ABCB10: variants seen among roughly 807,000 people sequenced by gnomAD.
ABCB10 encodes the protein ATP binding cassette subfamily B member 10.
ABCB10 carries 54 observed loss-of-function variants against 65.4 expected under a neutral mutation model. That is an observed-to-expected ratio of 0.83 (90% confidence interval 0.66 to 1.04). The LOEUF is 1.04. Ranked by LOEUF, ABCB10 falls within the 50% of genes least tolerant of loss-of-function variation. ABCB10 has a pLI of 0.00. For missense variants in ABCB10, 846 were observed against 976.6 expected, an observed-to-expected ratio of 0.87 and a Z score of 1.78; for synonymous variants, 418 against 406.5, an observed-to-expected ratio of 1.03 and a Z score of -0.34.
At chr1:229,539,386 C>T (rs1662789506) in intron 6 of ABCB10, 70 bp downstream of exon 6, 1 of 1,561,028 alleles carries the variant, frequency 6.4e-7, no homozygotes, top group Non-Finnish European at 8.8e-7. Context: ...TGTGAAAGTT[C>T]AGTTTCTCTT....
intron 6 of ABCB10, among the ~76,000 whole-genome samples, chr1:229,537,794 TAAATAAAC>T (rs1014535989): frequency 3.3e-5 from 5 of 149,950 alleles, no homozygotes; most frequent in African/African-American, 1.0e-4. Context: ...CATCTCCAAA[TAAATAAAC>T]AAACAAACAA....
chr1:229,524,156 GTTT>G (rs927200149), intron 10 of ABCB10, among the ~76,000 whole-genome samples: 19 of 151,564 alleles, frequency 1.3e-4, no homozygotes, highest in Middle Eastern at 6.8e-3. Context: ...ACAGAGACAA[GTTT>G]TTTGTTTTTT....
intron 1 of ABCB10, among the ~76,000 whole-genome samples, chr1:229,555,051 C>A (rs1663213008): frequency 6.6e-6 from 1 of 152,196 alleles, no homozygotes; most frequent in African/African-American, 2.4e-5. Flanking sequence ...TCCACACAGG[C>A]ACCAACTGAA....
intron 1 of ABCB10, chr1:229,550,134 T>A (rs1663073611): frequency 6.6e-6 from 1 of 152,268 alleles, no homozygotes; most frequent in Non-Finnish European, 1.5e-5. Flanking sequence ...TAATATTGTA[T>A]TATTGCTTTG....
intron 9 of ABCB10, among the ~76,000 whole-genome samples, 165 bp downstream of exon 9, chr1:229,527,064 C>T (rs980717164): frequency 3.3e-5 from 5 of 151,704 alleles, no homozygotes; most frequent in South Asian, 2.1e-4. Context: ...CAGGAAACAG[C>T]GCTACTTGCA....
intron 6 of ABCB10, chr1:229,531,957 T>TG: frequency 2.6e-6 from 1 of 378,688 alleles, no homozygotes; most frequent in South Asian, 4.6e-5. Context: ...GTTTTTTTTT[T>TG]TTTTTTTTTT....
Position 229,516,936 on chromosome 1 carries a change from A to G in ABCB10, c.*1243T>C, listed in dbSNP as rs1338335366. ...AGTGGTTTCTTCTTCCAGTCTAATCAGGGAACTAATAAATGCTTAGTTCAT... is the reference window on the plus strand; with the variant it reads ...AGTGGTTTCTTCTTCCAGTCTAATCGGGGAACTAATAAATGCTTAGTTCAT... On this transcript the variant is annotated 3_prime_UTR_variant, in exon 13 of 13. Coordinates refer to ENST00000344517, the MANE Select transcript of ABCB10 (RefSeq NM_012089.3). 1 of 152,198 alleles carries G rather than the reference A, an allele frequency of 6.6e-6. No homozygotes were observed. The highest frequency in any genetic ancestry group is 2.4e-5 in the African/African-American group (1 of 41,452). The allele number at this position is 152,198 out of a possible 1,614,324, so 9.4% of individuals were successfully genotyped here. A position where few individuals can be genotyped will look rare whatever the true frequency, so the allele number is the denominator to read the frequency against.
chr1:229,556,978 G>A (rs1012142286), intron 1 of ABCB10, among the ~76,000 whole-genome samples: 16 of 151,476 alleles, frequency 1.1e-4, no homozygotes, highest in African/African-American at 3.6e-4. Flanking sequence ...AAAGAGGAAA[G>A]AGAAAAAGAT....
chr1:229,558,549 C>A lies in ABCB10; in HGVS notation c.104G>T (p.Arg35Leu). 1 of 1,441,106 alleles carries A rather than the reference C, an allele frequency of 6.9e-7. No individual in the cohort carries two copies. The highest frequency in any genetic ancestry group is 2.5e-5 in the Admixed American group (1 of 40,250). The allele number at this position is 1,441,106 out of a possible 1,614,324, so 89.3% of individuals were successfully genotyped here. A position where few individuals can be genotyped will look rare whatever the true frequency, so the allele number is the denominator to read the frequency against. ...PVACVWAAAS[R>L]VPGSLSPFTG... is the part of the protein sequence containing the mutation. Reference sequence around the variant, plus strand: ...GAACGGCGATAGGGACCCGGGAACGCGGCTGGCCGCGGCCCACACGCAGGC... The same window carrying A: ...GAACGGCGATAGGGACCCGGGAACGAGGCTGGCCGCGGCCCACACGCAGGC... The change falls in exon 1 of 13, where the codon CGC becomes CTC. Residue 35 changes from arginine (R) to leucine (L), a missense_variant. This residue lies in a region of ABCB10 where 214 missense variants were observed against 173.5 expected (regional missense o/e 1.23). Coordinates refer to ENST00000344517, the MANE Select transcript of ABCB10 (RefSeq NM_012089.3).
Position 229,529,974 on chromosome 1 carries a change from G to A in ABCB10, c.1645+225C>T, listed in dbSNP as rs145700271. Among the ~76,000 whole-genome samples, 8 of 152,274 alleles carry A rather than the reference G, an allele frequency of 5.3e-5. No homozygotes were observed. In the East Asian group the frequency reaches 1.4e-3, roughly 26 times the overall value. On this transcript the variant is annotated intron_variant, in intron 8 of 12. Coordinates refer to ENST00000344517, the MANE Select transcript of ABCB10 (RefSeq NM_012089.3). ...CTGGGGAAGTCACTCTGGGCTTGAA[G>A]AGGTAGGACACATTACACACAAAAA...
chr1:229,535,870 C>A (rs1662707111), intron 6 of ABCB10, among the ~76,000 whole-genome samples: 1 of 152,086 alleles, frequency 6.6e-6, no homozygotes, highest in Non-Finnish European at 1.5e-5. Context: ...GGATTACGGG[C>A]ATGAACCAGC....
chr1:229,526,443 A>G (rs1187925415), intron 9 of ABCB10, among the ~76,000 whole-genome samples: 2 of 152,206 alleles, frequency 1.3e-5, no homozygotes, highest in East Asian at 3.8e-4. Context: ...TACTTTTTGA[A>G]ATACACACAA....
intron 8 of ABCB10, among the ~76,000 whole-genome samples, chr1:229,529,383 A>C (rs1286164824): frequency 6.8e-6 from 1 of 146,740 alleles, no homozygotes; most frequent in African/African-American, 2.5e-5. Flanking sequence ...ATAGAAGTTA[A>C]TCACTGGCCA....
At chr1:229,547,819 C>A (rs1663005672) in intron 2 of ABCB10, 118 bp from the exon 3 acceptor site, 4 of 903,178 alleles carry the variant, frequency 4.4e-6, no homozygotes, top group Non-Finnish European at 7.1e-6. Flanking sequence ...AGCAATGCAG[C>A]CTCTGAGCGT....
intron 12 of ABCB10, 106 bp downstream of exon 12, chr1:229,518,735 A>C (rs1662234629): frequency 1.9e-6 from 2 of 1,040,622 alleles, no homozygotes; most frequent in Non-Finnish European, 2.8e-6. Context: ...GGGGGGAAAA[A>C]GGATTTTCAG....
intron 1 of ABCB10, among the ~76,000 whole-genome samples, chr1:229,556,047 T>G (rs1209942074): frequency 6.6e-6 from 1 of 151,296 alleles, no homozygotes; most frequent in Non-Finnish European, 1.5e-5. Context: ...TCATAATTTC[T>G]CAATGTGGTG....
intron 6 of ABCB10, chr1:229,535,038 TAAAAAAAAAAAAAAAAAA>T (rs71173739): frequency 2.1e-5 from 1 of 47,476 alleles, no homozygotes; most frequent in South Asian, 1.3e-3. Flanking sequence ...AGACTCCCTT[TAAAAAAAAAAAAAAAAAA>T]AAAAAAAAAA....
intron 3 of ABCB10, among the ~76,000 whole-genome samples, chr1:229,544,416 CAAAAA>C (rs35004821): frequency 6.6e-5 from 4 of 60,992 alleles, no homozygotes; most frequent in African/African-American, 2.2e-4. Context: ...GACCTTCTCT[CAAAAA>C]AAAAAAAAAA....
chr1:229,557,226 C>A (rs918424195), intron 1 of ABCB10, among the ~76,000 whole-genome samples: 1 of 132,622 alleles, frequency 7.5e-6, no homozygotes, highest in Admixed American at 7.3e-5. Flanking sequence ...CACCTGACAA[C>A]CTCACAGGCC....
Sources: gnomAD v4.1 joint callset for allele counts (sites outside exome capture counted in the v4.1 genomes callset) on GRCh38, gnomAD v4.1.1 for gene constraint, gnomAD v4.1.1 regional missense constraint, MANE v1.5 for transcripts, NCBI Gene and HGNC (gene_info 2026-07-23, HGNC 2026-07-21) for gene names.